Variants in RBFOX1 observed in about 807,000 individuals in gnomAD.
RBFOX1 encodes the protein RNA binding protein fox-1 homolog 1.
A neutral mutation model predicts 57.7 loss-of-function variants in RBFOX1; 8 were observed. The observed-to-expected ratio is 0.14, with a 90% confidence interval of 0.08 to 0.25. The LOEUF (loss-of-function observed/expected upper bound fraction) is 0.25, where lower values mean the gene tolerates loss of function less well. Ranked by LOEUF, RBFOX1 falls within the 10% of genes least tolerant of loss-of-function variation. The pLI is 1.00. For missense variants in RBFOX1, 611 were observed against 548.5 expected, an observed-to-expected ratio of 1.11 and a Z score of -1.14; for synonymous variants, 326 against 222.4, an observed-to-expected ratio of 1.47 and a Z score of -4.15.
rs892430947 is a variant in RBFOX1 at position 7,083,349 on chromosome 16, G to C, written c.27+31251G>C. On this transcript the variant is annotated intron_variant, in intron 4 of 15. Coordinates refer to ENST00000550418, the MANE Select transcript of RBFOX1 (RefSeq NM_018723.4). Reference sequence around the variant, plus strand: ...TAGGGCGAATCTCATTCCTTGCAGAGGGACCACATGTTCAAGCAGGTGGGA... The same window carrying C: ...TAGGGCGAATCTCATTCCTTGCAGACGGACCACATGTTCAAGCAGGTGGGA... 1.8e-4 allele frequency among the ~76,000 whole-genome samples: 28 copies of C among 151,938 alleles called. 1 individual carries two copies. Among genetic ancestry groups the C allele is most frequent in the Admixed American group, 1.6e-3 (25 of 15,248 alleles).
At chr16:6,385,186 T>C (rs557845098) in intron 2 of RBFOX1, among the ~76,000 whole-genome samples, 1 of 152,322 alleles carries the variant, frequency 6.6e-6, no homozygotes, top group Admixed American at 6.5e-5. Flanking sequence ...ATAAAGCTGT[T>C]AAAGCTGGTT....
At chr16:5,813,549 C>G (rs978038546) in intron 3 of RBFOX1, among the ~76,000 whole-genome samples, 7 of 152,164 alleles carry the variant, frequency 4.6e-5, no homozygotes, top group South Asian at 2.1e-4. Context: ...CTGCAAGAAG[C>G]CAGGCATAAA....
chr16:5,614,748 C>G (rs1429593160), intron 3 of RBFOX1, among the ~76,000 whole-genome samples: 1 of 152,184 alleles, frequency 6.6e-6, no homozygotes, highest in East Asian at 1.9e-4. Flanking sequence ...GAATGCAAAT[C>G]TAGATGCGAG....
At chr16:6,245,489 T>A (rs1373445495) in intron 1 of RBFOX1, among the ~76,000 whole-genome samples, 1 of 152,170 alleles carries the variant, frequency 6.6e-6, no homozygotes, top group Non-Finnish European at 1.5e-5. Context: ...AGCAGACCAA[T>A]GACAAGATAG....
chr16:6,379,639 A>G (rs573755375), intron 2 of RBFOX1, among the ~76,000 whole-genome samples: 1 of 151,860 alleles, frequency 6.6e-6, no homozygotes, highest in African/African-American at 2.4e-5. Flanking sequence ...CACAGAGGTG[A>G]AGTCATGCAA....
chr16:6,360,968 A>ATTTT (rs2088383411), intron 2 of RBFOX1, among the ~76,000 whole-genome samples: 1 of 151,230 alleles, frequency 6.6e-6, no homozygotes, highest in African/African-American at 2.4e-5. Context: ...ATTTTATTTT[A>ATTTT]TTTTATTTAT....
chr16:6,999,486 G>A (rs1285186401), intron 3 of RBFOX1, among the ~76,000 whole-genome samples: 1 of 151,398 alleles, frequency 6.6e-6, no homozygotes, highest in Non-Finnish European at 1.5e-5. Flanking sequence ...CCAGGCTGGA[G>A]CATTCTCAGT....
At position 6,877,710 on chromosome 16, in the gene RBFOX1, G is replaced by A. The variant is rs191203744; in HGVS notation, c.-15-174347G>A. On this transcript the variant is annotated intron_variant, in intron 3 of 15. Coordinates refer to ENST00000550418, the MANE Select transcript of RBFOX1 (RefSeq NM_018723.4). ...TCTCTGTGTATAGTGAGAAAATAGA[G>A]GCTCAAAGAAGTTTCCAATATAGTA... Among the ~76,000 whole-genome samples, 66 of 152,174 alleles carry A rather than the reference G, an allele frequency of 4.3e-4. 1 individual carries two copies. Among genetic ancestry groups the A allele is most frequent in the Non-Finnish European group, 1.0e-4 (7 of 68,004 alleles).
intron 1 of RBFOX1, among the ~76,000 whole-genome samples, chr16:5,406,292 C>T (rs1377760135): frequency 1.3e-5 from 2 of 151,992 alleles, no homozygotes; most frequent in Admixed American, 6.6e-5. Context: ...TGTACTCTAC[C>T]CCAGTGTGGG....
intron 5 of RBFOX1, among the ~76,000 whole-genome samples, chr16:7,570,371 CCT>C (rs2092648852): frequency 6.6e-6 from 1 of 152,110 alleles, no homozygotes; most frequent in African/African-American, 2.4e-5. Flanking sequence ...TCCCCTCTCC[CCT>C]ACTGAGCACA....
chr16:7,400,486 A>T (rs2098222774), intron 4 of RBFOX1, among the ~76,000 whole-genome samples: 1 of 152,200 alleles, frequency 6.6e-6, no homozygotes, highest in Non-Finnish European at 1.5e-5. Flanking sequence ...ATTTATAGTG[A>T]AAGCTACCTT....
At chr16:6,337,846 G>A (rs2083986725) in intron 2 of RBFOX1, among the ~76,000 whole-genome samples, 2 of 152,190 alleles carry the variant, frequency 1.3e-5, no homozygotes, top group Non-Finnish European at 2.9e-5. Flanking sequence ...AAGATATCCT[G>A]TATGTCTGCC....
chr16:6,002,813 T>C (rs1037586467), intron 4 of RBFOX1, among the ~76,000 whole-genome samples: 1 of 152,230 alleles, frequency 6.6e-6, no homozygotes, highest in African/African-American at 2.4e-5. Context: ...TTAGAGCAAA[T>C]AAAGTGGGAA....
chr16:6,566,972 T>C (rs2097275459), intron 2 of RBFOX1, among the ~76,000 whole-genome samples: 1 of 152,208 alleles, frequency 6.6e-6, no homozygotes, highest in Admixed American at 6.5e-5. Flanking sequence ...AGTTAACTAA[T>C]GACTACCTGT....
At chr16:5,477,718 A>G (rs2069380142) in intron 2 of RBFOX1, among the ~76,000 whole-genome samples, 2 of 152,156 alleles carry the variant, frequency 1.3e-5, no homozygotes, top group African/African-American at 2.4e-5. Flanking sequence ...CCTGATGGGC[A>G]TGTATGTCAG....
chr16:6,078,161 A>G (rs1184115128), intron 1 of RBFOX1, among the ~76,000 whole-genome samples: 1 of 152,178 alleles, frequency 6.6e-6, no homozygotes, highest in Non-Finnish European at 1.5e-5. Context: ...AACATGTGGT[A>G]ACATGTATGA....
At chr16:6,726,968 CCA>C (rs779685871) in intron 3 of RBFOX1, among the ~76,000 whole-genome samples, 38 of 151,188 alleles carry the variant, frequency 2.5e-4, no homozygotes, top group Non-Finnish European at 4.7e-4. Flanking sequence ...TATGTGCTAC[CCA>C]GAGACTGGGA....
intron 4 of RBFOX1, among the ~76,000 whole-genome samples, chr16:7,466,814 G>T (rs1208044233): frequency 6.6e-6 from 1 of 152,180 alleles, no homozygotes; most frequent in African/African-American, 2.4e-5. Flanking sequence ...CACAATGCTA[G>T]GTTGGGGACA....
At chr16:7,638,195 G>GT (rs1261956950) in intron 11 of RBFOX1, among the ~76,000 whole-genome samples, 2 of 152,156 alleles carry the variant, frequency 1.3e-5, no homozygotes, top group Non-Finnish European at 2.9e-5. Flanking sequence ...ATAATCATAA[G>GT]TAGTGGTTAT....
Sources: allele counts gnomAD v4.1 joint callset (sites outside exome capture counted in the v4.1 genomes callset), GRCh38; gene constraint gnomAD v4.1.1; transcripts MANE v1.5; gene names NCBI Gene and HGNC (gene_info 2026-07-23, HGNC 2026-07-21).